The following NSD2 variants were observed in gnomAD, a reference collection of about 807,000 sequenced individuals.
NSD2 encodes histone-lysine N-methyltransferase NSD2.
Under a neutral mutation model 139.0 loss-of-function variants are expected in NSD2, and 12 were observed. That is an observed-to-expected ratio of 0.09 (90% CI 0.06 to 0.14). NSD2 has a LOEUF of 0.14. NSD2 is among the 10% of genes least tolerant of loss of function. The pLI is 1.00. For missense variants in NSD2, 1,155 were observed against 1,745.0 expected, an observed-to-expected ratio of 0.66 and a Z score of 6.02; for synonymous variants, 669 against 648.7, an observed-to-expected ratio of 1.03 and a Z score of -0.48.
intron 3 of NSD2, among the ~76,000 whole-genome samples, chr4:1,916,208 G>A (rs763621147): frequency 2.0e-5 from 3 of 152,146 alleles, no homozygotes; most frequent in Non-Finnish European, 4.4e-5. Flanking sequence ...GTTGTGTGAT[G>A]TCCGTATACT....
In NSD2 at chr4:1,975,370, T is replaced by C. The variant is rs547631468; in HGVS notation, c.3591T>C (p.Asn1197=). Residue 1197 remains asparagine (N), a synonymous_variant, in exon 20 of 22, where the codon AAT becomes AAC. Coordinates refer to ENST00000508803, the MANE Select transcript of NSD2 (RefSeq NM_001042424.3). ...CGGTCTGCCGGTGTGGAGCCTCCAA[T>C]TGCAGTGGATTCCTCGGGGATAGAC... ...EKTVCRCGAS[N]CSGFLGDRPK... is the part of the protein sequence containing the mutation. 8.1e-6 allele frequency: 13 copies of C among 1,614,156 alleles called. No homozygotes were observed. In the South Asian group the frequency reaches 1.3e-4, roughly 16 times the overall value.
intron 1 of NSD2, 136 bp from the exon 2 acceptor site, chr4:1,900,490 G>C: frequency 1.9e-6 from 1 of 525,078 alleles, no homozygotes; most frequent in Non-Finnish European, 3.2e-6. Flanking sequence ...TCTGTGACCT[G>C]AATTATTATA....
rs776092744 is a variant in NSD2, at chr4:1,972,982, A to G, written c.3373-1881A>G. 6.6e-6 allele frequency among the ~76,000 whole-genome samples: 1 copy of G among 152,050 alleles called. No homozygotes were observed. The highest frequency in any genetic ancestry group is 1.5e-5 in the Non-Finnish European group (1 of 68,010). ...ATTCTCCTGCCTCAGCCTCCCGAGTAACTGGGATTACCGGTGCCCACCACC... is the reference window on the plus strand; with the variant it reads ...ATTCTCCTGCCTCAGCCTCCCGAGTGACTGGGATTACCGGTGCCCACCACC... On this transcript the variant is annotated intron_variant, in intron 18 of 21. Coordinates refer to ENST00000508803, the MANE Select transcript of NSD2 (RefSeq NM_001042424.3). This position sits in a 1 kb window ranked among gnomAD's most constrained non-coding sequence, Gnocchi z 4.0.
chr4:1,943,769 G>A (rs1270790065), intron 9 of NSD2: 3 of 1,059,738 alleles, frequency 2.8e-6, no homozygotes, highest in Non-Finnish European at 3.4e-6. Context: ...AAAAAAAGAT[G>A]GTATAAAAAT....
chr4:1,951,391 A>G (rs1027546707), intron 10 of NSD2, among the ~76,000 whole-genome samples, 188 bp downstream of exon 10: 13 of 150,596 alleles, frequency 8.6e-5, no homozygotes, highest in African/African-American at 3.2e-4. Flanking sequence ...AGTTGTCTCC[A>G]TTAACATCCA....
chr4:1,872,347 G>A (rs1463791720), intron 1 of NSD2, among the ~76,000 whole-genome samples: 1 of 152,162 alleles, frequency 6.6e-6, no homozygotes, highest in African/African-American at 2.4e-5. Flanking sequence ...TTAATGGCTG[G>A]TTTTGCTCCA....
At chr4:1,879,320 A>G (rs1714530999) in intron 1 of NSD2, among the ~76,000 whole-genome samples, 1 of 151,936 alleles carries the variant, frequency 6.6e-6, no homozygotes, top group South Asian at 2.1e-4. Flanking sequence ...CTGGGTTCAC[A>G]CCATTCTCCT....
intron 9 of NSD2, chr4:1,945,774 C>T: frequency 9.4e-7 from 1 of 1,064,316 alleles, no homozygotes; most frequent in South Asian, 4.6e-5. Context: ...GCGTCTGGGC[C>T]TGAGACGTGC....
At chr4:1,950,002 C>T (rs1462095445) in intron 9 of NSD2, among the ~76,000 whole-genome samples, 1 of 152,086 alleles carries the variant, frequency 6.6e-6, no homozygotes, top group African/African-American at 2.4e-5. Flanking sequence ...AAGCCGATAA[C>T]ATAATTACTT....
chr4:1,930,790 G>C lies in NSD2; in HGVS notation c.1555+20G>C. On this transcript the variant is annotated intron_variant, in intron 6 of 21. Coordinates refer to ENST00000508803, the MANE Select transcript of NSD2 (RefSeq NM_001042424.3). The stretch of plus-strand genomic sequence containing the variant: ...ACTCTGGTAAACATAGCATTATGCT[G>C]ATGTCCTCTGCTTGGGTTGATGTGT... 6.2e-7 allele frequency: 1 copy of C among 1,607,238 alleles called. No individual in the cohort carries two copies. Among genetic ancestry groups the C allele is most frequent in the Non-Finnish European group, 8.5e-7 (1 of 1,176,580 alleles).
chr4:1,943,223 T>C, intron 9 of NSD2: 1 of 1,041,428 alleles, frequency 9.6e-7, no homozygotes, highest in Non-Finnish European at 1.2e-6. Context: ...AAGCAGAAGG[T>C]GTGCTATTCA....
At chr4:1,922,224 G>C (rs926365478) in intron 5 of NSD2, among the ~76,000 whole-genome samples, 3 of 152,148 alleles carry the variant, frequency 2.0e-5, no homozygotes, top group Non-Finnish European at 2.9e-5. Flanking sequence ...GAAAACTCAA[G>C]AGAATGTACA....
At chr4:1,882,652 A>G (rs1315055891) in intron 1 of NSD2, among the ~76,000 whole-genome samples, 2 of 152,122 alleles carry the variant, frequency 1.3e-5, no homozygotes, top group African/African-American at 4.8e-5. Context: ...CGACAGAGCA[A>G]GACCTCTGTC....
intron 3 of NSD2, among the ~76,000 whole-genome samples, chr4:1,916,085 G>A (rs926300647): frequency 1.3e-5 from 2 of 152,116 alleles, no homozygotes; most frequent in African/African-American, 4.8e-5. Flanking sequence ...CATCTGTGGG[G>A]TTACTCTGTG....
At chr4:1,945,451 A>C (rs1723525125) in intron 9 of NSD2, 1 of 1,063,726 alleles carries the variant, frequency 9.4e-7, no homozygotes, top group Non-Finnish European at 1.1e-6. Flanking sequence ...GTCACAGAGA[A>C]GTTTAAAAAA....
At chr4:1,899,642 CT>C in intron 1 of NSD2, among the ~76,000 whole-genome samples, 1 of 152,298 alleles carries the variant, frequency 6.6e-6, no homozygotes, top group East Asian at 1.9e-4. Flanking sequence ...GGGTGCCTAC[CT>C]GTTTCTTATT....
chr4:1,904,497 A>G (rs975795244), intron 3 of NSD2, 119 bp downstream of exon 3: 14 of 1,111,172 alleles, frequency 1.3e-5, no homozygotes, highest in Admixed American at 8.5e-5. Context: ...TTGCAGCTTT[A>G]CCTAAAGTTA....
chr4:1,920,191 T>C (rs2108811656), intron 5 of NSD2, among the ~76,000 whole-genome samples: 1 of 152,322 alleles, frequency 6.6e-6, no homozygotes, highest in African/African-American at 2.4e-5. Context: ...GGCTCCCGCC[T>C]GTAATCTCAG....
rs185512629 is a variant in NSD2 at position 1,977,785 on chromosome 4, C to G, written c.3827-853C>G. ...CCAGCCTGGGCGACAGAGCAAGACT[C>G]CACTCAAAAAAAAAAAAAACCAAAC... On this transcript the variant is annotated intron_variant, in intron 21 of 21. Coordinates refer to ENST00000508803, the MANE Select transcript of NSD2 (RefSeq NM_001042424.3). Among the ~76,000 whole-genome samples, 3 of 146,610 alleles carry G rather than the reference C, an allele frequency of 2.0e-5. 1 individual carries two copies. The highest frequency in any genetic ancestry group is 2.0e-4 in the Admixed American group (3 of 14,920).
Sources: gnomAD v4.1 joint callset for allele counts (sites outside exome capture counted in the v4.1 genomes callset) on GRCh38, gnomAD v4.1.1 for gene constraint, Gnocchi (gnomAD v3.1) non-coding constraint, MANE v1.5 for transcripts, NCBI Gene and HGNC (gene_info 2026-07-23, HGNC 2026-07-21) for gene names.